Variants in SEMA6D observed in about 807,000 individuals in gnomAD.
SEMA6D encodes the protein semaphorin-6D.
SEMA6D carries 35 observed loss-of-function variants against 106.6 expected under a neutral mutation model. The ratio of observed to expected loss-of-function variants is 0.33; its 90% CI spans 0.25 to 0.44. The LOEUF (loss-of-function observed/expected upper bound fraction) is 0.44, where lower values mean the gene tolerates loss of function less well. Among genes scored for constraint, SEMA6D ranks in the 20% least tolerant of loss-of-function variants. The pLI is 1.00. For synonymous variants in SEMA6D, 499 were observed against 487.7 expected (o/e 1.02, Z -0.31); for missense variants, 1,185 against 1,345.9 (o/e 0.88, Z 1.87).
At chr15:47,220,197 A>G (rs1364887538) in intron 1 of SEMA6D, among the ~76,000 whole-genome samples, 1 of 152,182 alleles carries the variant, frequency 6.6e-6, no homozygotes, top group Non-Finnish European at 1.5e-5. Flanking sequence ...GCCACATTGC[A>G]AATGGTATGG....
chr15:47,452,320 C>CAAAA (rs145049200), intron 2 of SEMA6D, among the ~76,000 whole-genome samples: 1 of 114,728 alleles, frequency 8.7e-6, no homozygotes, highest in Non-Finnish European at 1.9e-5. Context: ...GTTTATCAAC[C>CAAAA]AAAAAAAAAA....
chr15:47,348,719 C>CGAGAGAGAGAGAGAGAGAG (rs1567016651), intron 1 of SEMA6D, among the ~76,000 whole-genome samples: 4 of 19,162 alleles, frequency 2.1e-4, no homozygotes, highest in Admixed American at 1.9e-3. Context: ...ACACACACAC[C>CGAGAGAGAGAGAGAGAGAG]ACACACACAG....
At chr15:47,747,397 G>T (rs1291716873) in intron 1 of SEMA6D, among the ~76,000 whole-genome samples, 1 of 152,108 alleles carries the variant, frequency 6.6e-6, no homozygotes, top group African/African-American at 2.4e-5. Flanking sequence ...TTTAATTTCA[G>T]TTCCTTTCTG....
At chr15:47,527,131 C>G in intron 3 of SEMA6D, among the ~76,000 whole-genome samples, 1 of 152,108 alleles carries the variant, frequency 6.6e-6, no homozygotes, top group Non-Finnish European at 1.5e-5. Flanking sequence ...GAGTGTTTGC[C>G]AAACACTTTA....
chr15:47,717,473 T>A (rs1364715697), upstream of SEMA6D: 1 of 152,522 alleles, frequency 6.6e-6, no homozygotes, highest in Non-Finnish European at 1.5e-5. Context: ...TTACACCATT[T>A]GCCGTGCATC....
chr15:47,451,992 G>A (rs1379227656), intron 2 of SEMA6D, among the ~76,000 whole-genome samples: 3 of 151,990 alleles, frequency 2.0e-5, no homozygotes, highest in African/African-American at 4.8e-5. Flanking sequence ...CCACCTGATC[G>A]CGTCTTTTTG....
chr15:47,755,644 T>C (rs1220611324), intron 1 of SEMA6D, among the ~76,000 whole-genome samples: 2 of 151,944 alleles, frequency 1.3e-5, no homozygotes, highest in African/African-American at 4.8e-5. Context: ...CTCACATTTT[T>C]CTCCTCTTCT....
At chr15:47,228,133 T>C (rs993523127) in intron 1 of SEMA6D, among the ~76,000 whole-genome samples, 4 of 89,218 alleles carry the variant, frequency 4.5e-5, no homozygotes, top group Non-Finnish European at 2.1e-5. Flanking sequence ...TATATGTGTG[T>C]GTGTACACAC....
At chr15:47,438,224 G>C (rs1225655024) in intron 2 of SEMA6D, among the ~76,000 whole-genome samples, 3 of 151,894 alleles carry the variant, frequency 2.0e-5, no homozygotes, top group Non-Finnish European at 4.4e-5. Context: ...AATATATACT[G>C]AAACCTCCCA....
At chr15:47,415,511 C>G (rs1164230432) in intron 2 of SEMA6D, among the ~76,000 whole-genome samples, 1 of 152,166 alleles carries the variant, frequency 6.6e-6, no homozygotes, top group African/African-American at 2.4e-5. Flanking sequence ...TTCTCCTCCT[C>G]TCTACCCGCT....
In SEMA6D at chr15:47,436,677, T is replaced by A. The variant is rs138202708; in HGVS notation, c.-159+24205T>A. On this transcript the variant is annotated intron_variant, in intron 2 of 19. Coordinates refer to the SEMA6D transcript ENST00000558014. ...TGGGCATAGTGACTCATGCCTGTAA[T>A]CCAAGCACTTTGGGAAGTCAAGGCC... is the stretch of plus-strand genomic sequence containing the variant. Among the ~76,000 whole-genome samples the A allele has an allele frequency of 2.5e-3, 375 of 150,298 alleles. 3 individuals carry two copies. The highest frequency in any genetic ancestry group is 8.9e-3 in the African/African-American group (365 of 41,184).
rs139644964 is a variant in SEMA6D, at chr15:47,212,730, T to C, written c.-239+28312T>C. Among the ~76,000 whole-genome samples the C allele has an allele frequency of 9.8e-4, 149 of 152,332 alleles. 1 individual carries two copies. The highest frequency in any genetic ancestry group is 3.5e-3 in the African/African-American group (146 of 41,572). Reference sequence around the variant, plus strand: ...TTAATGACATGACACCTCCTTGTTATCTCTTTTCCGATGAGAGGAAGGTGA... The same window carrying C: ...TTAATGACATGACACCTCCTTGTTACCTCTTTTCCGATGAGAGGAAGGTGA... On this transcript the variant is annotated intron_variant, in intron 1 of 19. Transcript: ENST00000558014.
At chr15:47,187,300 A>G (rs564960607) in intron 1 of SEMA6D, among the ~76,000 whole-genome samples, 2 of 152,366 alleles carry the variant, frequency 1.3e-5, no homozygotes, top group East Asian at 3.9e-4. Context: ...CTGCTTCTAA[A>G]TATTCATAAA....
chr15:47,531,211 G>T (rs1289011788), intron 3 of SEMA6D, among the ~76,000 whole-genome samples: 8 of 152,072 alleles, frequency 5.3e-5, no homozygotes, highest in Non-Finnish European at 7.4e-5. Context: ...ACCATGTATT[G>T]TCAATTTGCT....
intron 1 of SEMA6D, among the ~76,000 whole-genome samples, chr15:47,365,111 G>C (rs780449256): frequency 3.3e-5 from 5 of 152,184 alleles, no homozygotes; most frequent in Non-Finnish European, 5.9e-5. Context: ...AAAAGGCTCC[G>C]AGAGGATATC....
chr15:47,528,900 A>G (rs777121464), intron 3 of SEMA6D, among the ~76,000 whole-genome samples: 4 of 152,212 alleles, frequency 2.6e-5, no homozygotes, highest in East Asian at 1.9e-4. Flanking sequence ...ATAGCCTACT[A>G]TTGTCTGAAG....
intron 3 of SEMA6D, among the ~76,000 whole-genome samples, chr15:47,538,413 G>T (rs952649661): frequency 6.6e-6 from 1 of 152,192 alleles, no homozygotes; most frequent in African/African-American, 2.4e-5. Context: ...CCAGCAGCAT[G>T]TCAGACAAGT....
chr15:47,422,180 G>GCCTCCCTTCCTT, intron 2 of SEMA6D, among the ~76,000 whole-genome samples: 1 of 112,814 alleles, frequency 8.9e-6, no homozygotes, highest in East Asian at 3.1e-4. Flanking sequence ...CCGCCTGCCT[G>GCCTCCCTTCCTT]CCTTCCTTCC....
chr15:47,602,598 G>T (rs1043266177), intron 4 of SEMA6D, among the ~76,000 whole-genome samples: 1 of 151,776 alleles, frequency 6.6e-6, no homozygotes, highest in African/African-American at 2.4e-5. Context: ...TAGATTCTTG[G>T]CATCAAACTT....
Sources: allele counts gnomAD v4.1 joint callset (sites outside exome capture counted in the v4.1 genomes callset), GRCh38; gene constraint gnomAD v4.1.1; transcripts MANE v1.5; gene names NCBI Gene and HGNC (gene_info 2026-07-23, HGNC 2026-07-21).